The following LRP1B variants were observed in gnomAD, a reference collection of about 807,000 sequenced individuals.
LRP1B encodes LDL receptor related protein 1B.
A neutral mutation model predicts 556.6 loss-of-function variants in LRP1B; 217 were observed. The ratio of observed to expected loss-of-function variants is 0.39; its 90% CI spans 0.35 to 0.44. The LOEUF (loss-of-function observed/expected upper bound fraction) is 0.44, where lower values mean the gene tolerates loss of function less well. Ranked by LOEUF, LRP1B falls within the 20% of genes least tolerant of loss-of-function variation. LRP1B has a pLI of 1.00. For synonymous variants in LRP1B, 2,047 were observed against 1,865.8 expected (o/e 1.10, Z -2.50); for missense variants, 5,053 against 5,620.8 (o/e 0.90, Z 3.23).
intron 32 of LRP1B, among the ~76,000 whole-genome samples, chr2:140,804,513 A>G (rs1167542284): frequency 6.6e-6 from 1 of 152,014 alleles, no homozygotes; most frequent in African/African-American, 2.4e-5. Flanking sequence ...GAGCACTTAG[A>G]TTTTTACTTT....
chr2:141,140,875 AT>A (rs1351251234), intron 7 of LRP1B, among the ~76,000 whole-genome samples: 2 of 152,076 alleles, frequency 1.3e-5, no homozygotes, highest in African/African-American at 4.8e-5. Context: ...AATATACATA[AT>A]TATAAATAAG....
At chr2:141,055,719 A>G (rs1699161728) in intron 9 of LRP1B, among the ~76,000 whole-genome samples, 1 of 151,892 alleles carries the variant, frequency 6.6e-6, no homozygotes, top group Admixed American at 6.6e-5. Flanking sequence ...TTCAGTGATT[A>G]TATATACACT....
At chr2:140,317,494 T>C (rs998115783) in intron 82 of LRP1B, among the ~76,000 whole-genome samples, 4 of 150,036 alleles carry the variant, frequency 2.7e-5, no homozygotes, top group African/African-American at 1.0e-4. Flanking sequence ...TGATGGGAAA[T>C]GGAGGGGTAG....
chr2:141,636,965 C>T (rs1689127266), intron 2 of LRP1B, among the ~76,000 whole-genome samples: 1 of 151,948 alleles, frequency 6.6e-6, no homozygotes, highest in African/African-American at 2.4e-5. Flanking sequence ...AATGGTTAGT[C>T]CTGGGAAGAG....
intron 2 of LRP1B, among the ~76,000 whole-genome samples, chr2:141,495,900 G>A (rs1040115647): frequency 1.3e-5 from 2 of 152,018 alleles, no homozygotes; most frequent in African/African-American, 4.8e-5. Context: ...ATTATCTAAT[G>A]AAGTTGATTA....
intron 41 of LRP1B, among the ~76,000 whole-genome samples, chr2:140,678,958 G>A (rs1023534570): frequency 6.6e-6 from 1 of 151,974 alleles, no homozygotes; most frequent in Admixed American, 6.6e-5. Flanking sequence ...TCATGTTTTT[G>A]TAGAGACAGG....
intron 2 of LRP1B, among the ~76,000 whole-genome samples, chr2:141,744,663 A>T (rs1448231048): frequency 6.6e-6 from 1 of 152,156 alleles, no homozygotes; most frequent in Non-Finnish European, 1.5e-5. Context: ...AAAAGGTCAT[A>T]CATCTCTGTC....
intron 1 of LRP1B, among the ~76,000 whole-genome samples, chr2:141,944,791 G>A (rs751295196): frequency 6.6e-6 from 1 of 152,090 alleles, no homozygotes; most frequent in Non-Finnish European, 1.5e-5. Context: ...AAGGGTAGTG[G>A]CATCTTTGTG....
At chr2:141,865,461 G>C (rs1442336599) in intron 1 of LRP1B, among the ~76,000 whole-genome samples, 1 of 149,560 alleles carries the variant, frequency 6.7e-6, no homozygotes, top group Non-Finnish European at 1.5e-5. Flanking sequence ...GCGTAGTGGC[G>C]GGCGCCTGTA....
chr2:141,690,433 A>G, intron 2 of LRP1B, among the ~76,000 whole-genome samples: 1 of 132,320 alleles, frequency 7.6e-6, no homozygotes, highest in Admixed American at 7.5e-5. Context: ...ATATATATAT[A>G]TATATATAAT....
chr2:142,049,315 A>G (rs781030554), intron 1 of LRP1B, among the ~76,000 whole-genome samples: 32 of 152,096 alleles, frequency 2.1e-4, no homozygotes, highest in Admixed American at 7.9e-4. Context: ...TATTTGTCTG[A>G]ATTTTTCTTT....
intron 2 of LRP1B, among the ~76,000 whole-genome samples, chr2:141,552,366 T>C (rs754535353): frequency 1.3e-5 from 2 of 152,056 alleles, no homozygotes; most frequent in Non-Finnish European, 2.9e-5. Flanking sequence ...TGAACTCTCA[T>C]TGTGAGTATT....
At position 140,883,915 on chromosome 2, in the gene LRP1B, G is replaced by A. The variant is rs1360863806; in HGVS notation, c.4071C>T (p.Asp1357=). 2 of 1,613,800 alleles carry A rather than the reference G, an allele frequency of 1.2e-6. No homozygotes were observed. The highest frequency in any genetic ancestry group is 1.7e-6 in the Non-Finnish European group (2 of 1,179,930). The part of the protein sequence containing the change: ...GNIYWIDSNL[D]QIEVAKLDGS... ...CATCTAGTTTGGCCACTTCGATTTG[G>A]TCCAGATTGCTGTCTATCCAGTATA... The change falls in exon 25 of 91, where the codon GAC becomes GAT. Residue 1357 remains aspartate, a synonymous_variant. Coordinates refer to ENST00000389484, the MANE Select transcript of LRP1B (RefSeq NM_018557.3).
At chr2:140,643,717 A>C (rs929196882) in intron 41 of LRP1B, among the ~76,000 whole-genome samples, 2 of 152,206 alleles carry the variant, frequency 1.3e-5, no homozygotes, top group Non-Finnish European at 2.9e-5. Flanking sequence ...AGTCATCAAA[A>C]TCAAACAATT....
At chr2:141,450,270 G>A (rs1033452231) in intron 3 of LRP1B, among the ~76,000 whole-genome samples, 6 of 152,190 alleles carry the variant, frequency 3.9e-5, no homozygotes, top group Non-Finnish European at 7.4e-5. Flanking sequence ...AGCTAATAGT[G>A]AATAAGAGCA....
At chr2:140,744,104 C>T (rs941366176) in intron 35 of LRP1B, among the ~76,000 whole-genome samples, 2 of 150,754 alleles carry the variant, frequency 1.3e-5, no homozygotes, top group Non-Finnish European at 2.9e-5. Flanking sequence ...TAAACAGGTT[C>T]TGGGGATCTA....
intron 6 of LRP1B, among the ~76,000 whole-genome samples, chr2:141,216,191 T>G (rs1682805028): frequency 6.6e-6 from 1 of 152,034 alleles, no homozygotes; most frequent in Admixed American, 6.5e-5. Context: ...CCAGCCAGGG[T>G]TCAAAGGGTC....
intron 5 of LRP1B, among the ~76,000 whole-genome samples, chr2:141,246,376 A>G (rs1449192699): frequency 6.6e-6 from 1 of 152,214 alleles, no homozygotes; most frequent in Middle Eastern, 3.2e-3. Flanking sequence ...GTGGAAGATC[A>G]GACACTGGAA....
intron 41 of LRP1B, among the ~76,000 whole-genome samples, chr2:140,695,084 G>T (rs1425941326): frequency 6.6e-6 from 1 of 150,872 alleles, no homozygotes; most frequent in Non-Finnish European, 1.5e-5. Context: ...GCTTGGTGGG[G>T]TTTTTTAAGC....
Sources: gnomAD v4.1 joint callset for allele counts (sites outside exome capture counted in the v4.1 genomes callset) on GRCh38, gnomAD v4.1.1 for gene constraint, MANE v1.5 for transcripts, NCBI Gene and HGNC (gene_info 2026-07-23, HGNC 2026-07-21) for gene names.